The following ST7 variants were observed in gnomAD, a reference collection of about 807,000 sequenced individuals.
The protein encoded by ST7 is suppression of tumorigenicity 7.
In ST7, 28 loss-of-function variants were observed where a neutral mutation model predicts 78.7. That is an observed-to-expected ratio of 0.36 (90% CI 0.26 to 0.49). The LOEUF (loss-of-function observed/expected upper bound fraction) is 0.49. Among genes scored for constraint, ST7 ranks in the 20% least tolerant of loss-of-function variants. The pLI is 0.99. For synonymous variants in ST7, 247 were observed against 249.6 expected (o/e 0.99, Z 0.10); for missense variants, 418 against 696.0 (o/e 0.60, Z 4.49).
intron 1 of ST7, among the ~76,000 whole-genome samples, chr7:116,998,752 T>C (rs1363674724): frequency 6.6e-6 from 1 of 152,218 alleles, no homozygotes; most frequent in Non-Finnish European, 1.5e-5. Context: ...TAAGCGAATA[T>C]GTAAATTCCT....
intron 10 of ST7, among the ~76,000 whole-genome samples, chr7:117,188,773 T>TATATATATATATATATATCCTC (rs147832271): frequency 0.028 from 4,215 of 151,858 alleles, 217 homozygotes; most frequent in African/African-American, 0.097. Context: ...GACATATATA[T>TATATATATATATATATATCCTC]AACTTGGACT....
rs150222080 is a variant in ST7, at chr7:117,160,653, G to GTGTATATATATATA, written c.964-10208_964-10207insGTATATATATATAT. Among the ~76,000 whole-genome samples, 1,336 of 147,632 alleles carry GTGTATATATATATA rather than the reference G, an allele frequency of 9.0e-3. 22 individuals are homozygous for GTGTATATATATATA. The highest frequency in any genetic ancestry group is 0.031 in the African/African-American group (1,222 of 39,754). Reference sequence around the variant, plus strand: ...CACATACATATACTTGTGTGTGTGTGTATATATATATATATACATATATGT... The same window carrying GTGTATATATATATA: ...CACATACATATACTTGTGTGTGTGTGTGTATATATATATATATATATATATATATACATATATGT... On this transcript the variant is annotated intron_variant, in intron 9 of 15. Transcript: ENST00000323984.
At chr7:117,024,029 G>A (rs1796064587) in intron 1 of ST7, among the ~76,000 whole-genome samples, 1 of 151,986 alleles carries the variant, frequency 6.6e-6, no homozygotes, top group South Asian at 2.1e-4. Flanking sequence ...GGCCAGGCTG[G>A]TCCTGAACCC....
intron 10 of ST7, among the ~76,000 whole-genome samples, chr7:117,180,956 A>G (rs976947497): frequency 6.6e-6 from 1 of 152,134 alleles, no homozygotes; most frequent in South Asian, 2.1e-4. Flanking sequence ...CCAGCCTTTT[A>G]TTTGTTTATT....
chr7:116,959,396 C>T, intron 1 of ST7: 1 of 342,780 alleles, frequency 2.9e-6, no homozygotes, highest in South Asian at 2.5e-5. Flanking sequence ...TGTATATATG[C>T]ATCTTTTTTT....
chr7:117,201,172 C>A (rs1266720346), intron 12 of ST7, among the ~76,000 whole-genome samples: 1 of 152,028 alleles, frequency 6.6e-6, no homozygotes, highest in Non-Finnish European at 1.5e-5. Context: ...ATCAACAGGA[C>A]ATTTTAGAAA....
intron 1 of ST7, among the ~76,000 whole-genome samples, chr7:117,025,791 C>T (rs1040826905): frequency 7.9e-5 from 12 of 152,034 alleles, no homozygotes; most frequent in African/African-American, 2.4e-4. Context: ...GTGAAATTTC[C>T]GTTTGAGTTC....
chr7:116,981,131 G>A (rs116651376), intron 1 of ST7, among the ~76,000 whole-genome samples: 159 of 150,976 alleles, frequency 1.1e-3, no homozygotes, highest in African/African-American at 3.6e-3. Context: ...TTTTTAAATA[G>A]ACAATCTTGC....
chr7:117,049,757 G>A (rs1451231562), intron 1 of ST7, among the ~76,000 whole-genome samples: 1 of 152,134 alleles, frequency 6.6e-6, no homozygotes, highest in Non-Finnish European at 1.5e-5. Flanking sequence ...CACAGCTGGA[G>A]ACCTCAGTCA....
intron 1 of ST7, among the ~76,000 whole-genome samples, chr7:117,068,055 G>T (rs544929601): frequency 1.4e-4 from 22 of 152,132 alleles, no homozygotes; most frequent in Middle Eastern, 3.2e-3. Flanking sequence ...TACACGGAAA[G>T]ATTTGGCAGG....
Position 117,147,136 on chromosome 7 carries a change from G to A in ST7, c.963+8604G>A, listed in dbSNP as rs562113731. Among the ~76,000 whole-genome samples the A allele has an allele frequency of 2.6e-5, 4 of 151,928 alleles. No individual in the cohort carries two copies. In the East Asian group the frequency reaches 7.7e-4, roughly 29 times the overall value. ...ACTGTTTTTCAATCTGTCCATTTTTGCTCTATGTACCTCTTGCATCTAGTT... is the reference window on the plus strand; with the variant it reads ...ACTGTTTTTCAATCTGTCCATTTTTACTCTATGTACCTCTTGCATCTAGTT... On this transcript the variant is annotated intron_variant, in intron 9 of 15. Transcript: ENST00000323984.
At chr7:116,956,685 T>C (rs1387239531) in intron 1 of ST7, 1 of 467,968 alleles carries the variant, frequency 2.1e-6, no homozygotes, top group East Asian at 7.0e-5. Context: ...ATCTTGACCA[T>C]CTGTGACAAT....
Position 117,219,193 on chromosome 7 carries a change from T to TGGCTGAAGAGAGG in ST7, c.1498+17_1498+18insGGCTGAAGAGAGG. On this transcript the variant is annotated intron_variant, in intron 14 of 15. Coordinates refer to ENST00000323984, the MANE Select transcript of ST7 (RefSeq NM_001369598.1). This position sits in a 1 kb window ranked among gnomAD's most constrained non-coding sequence, Gnocchi z 5.1. ...TGCTTCCATGTAAGTCTCACCTCTCTTCAGCCAGTGAGGGTGTGTGGTGAA... is the reference window on the plus strand; with the variant it reads ...TGCTTCCATGTAAGTCTCACCTCTCTGGCTGAAGAGAGGTCAGCCAGTGAGGGTGTGTGGTGAA... 1 of 1,599,812 alleles carries TGGCTGAAGAGAGG rather than the reference T, an allele frequency of 6.3e-7. No homozygotes were observed. Among genetic ancestry groups the TGGCTGAAGAGAGG allele is most frequent in the Non-Finnish European group, 8.6e-7 (1 of 1,169,240 alleles).
At chr7:117,103,735 A>C (rs1801742865) in intron 2 of ST7, among the ~76,000 whole-genome samples, 1 of 152,232 alleles carries the variant, frequency 6.6e-6, no homozygotes, top group Admixed American at 6.5e-5. Context: ...ACCAGAGCAG[A>C]AATAGACAAA....
chr7:117,003,251 C>T (rs1012570180), intron 1 of ST7, among the ~76,000 whole-genome samples: 2 of 151,532 alleles, frequency 1.3e-5, no homozygotes, highest in Non-Finnish European at 2.9e-5. Context: ...TCCATCTCAG[C>T]CTCCCAAGTA....
intron 1 of ST7, among the ~76,000 whole-genome samples, chr7:117,064,310 AG>A (rs1198637421): frequency 5.1e-4 from 77 of 152,326 alleles, no homozygotes; most frequent in Non-Finnish European, 1.0e-4. Flanking sequence ...TATTATGAAA[AG>A]TCAGAAAAAC....
chr7:116,995,533 T>C (rs1476648546), intron 1 of ST7, among the ~76,000 whole-genome samples: 1 of 152,214 alleles, frequency 6.6e-6, no homozygotes, highest in Admixed American at 6.5e-5. Context: ...TGGGAGCCCA[T>C]GGGAAGCAAT....
chr7:117,077,480 T>C (rs908527873), intron 1 of ST7, among the ~76,000 whole-genome samples: 3 of 152,202 alleles, frequency 2.0e-5, no homozygotes, highest in Non-Finnish European at 4.4e-5. Flanking sequence ...GTATAACATA[T>C]ACATCTATGA....
At chr7:117,161,133 A>T (rs968108746) in intron 9 of ST7, among the ~76,000 whole-genome samples, 3 of 152,064 alleles carry the variant, frequency 2.0e-5, no homozygotes, top group African/African-American at 7.2e-5. Flanking sequence ...CACCACCATA[A>T]ATAGCTACAG....
Sources: gnomAD v4.1 joint callset for allele counts (sites outside exome capture counted in the v4.1 genomes callset) on GRCh38, gnomAD v4.1.1 for gene constraint, Gnocchi (gnomAD v3.1) non-coding constraint, MANE v1.5 for transcripts, NCBI Gene and HGNC (gene_info 2026-07-23, HGNC 2026-07-21) for gene names.